ZNF444: variants seen among roughly 807,000 people sequenced by gnomAD.
ZNF444 encodes endothelial zinc finger protein 2.
Under a neutral mutation model 14.4 loss-of-function variants are expected in ZNF444, and 8 were observed. That is an observed-to-expected ratio of 0.56 (90% CI 0.33 to 1.00). The LOEUF is 1.00. ZNF444 is among the 50% of genes least tolerant of loss of function. ZNF444 has a pLI of 0.03. For synonymous variants in ZNF444, 258 were observed against 235.9 expected (o/e 1.09, Z -0.86); for missense variants, 510 against 504.8 (o/e 1.01, Z -0.10).
chr19:56,133,876 G>C (rs1423479749), intron 1 of ZNF444, among the ~76,000 whole-genome samples: 1 of 151,776 alleles, frequency 6.6e-6, no homozygotes, highest in Non-Finnish European at 1.5e-5. Flanking sequence ...GAGCATGAGG[G>C]GGAAGTCAGA....
rs2032217523 is a variant in ZNF444 at position 56,160,345 on chromosome 19, A to C, written c.*144A>C. 4 of 613,680 alleles carry C rather than the reference A, an allele frequency of 6.5e-6. No homozygotes were observed. The highest frequency in any genetic ancestry group is 1.0e-5 in the Non-Finnish European group (4 of 386,164). 38.0% of individuals were successfully genotyped at this position (613,680 alleles called of 1,614,324 possible). A position where few individuals can be genotyped will look rare whatever the true frequency, so the allele number is the denominator to read the frequency against. Reference sequence around the variant, plus strand: ...TGCGCCTCCCTTGTCTGAACTTCCCAACGCCTTCCTATTCCTTTCCAACTC... The same window carrying C: ...TGCGCCTCCCTTGTCTGAACTTCCCCACGCCTTCCTATTCCTTTCCAACTC... On this transcript the variant is annotated 3_prime_UTR_variant, in exon 5 of 5. Coordinates refer to ENST00000337080, the MANE Select transcript of ZNF444 (RefSeq NM_018337.4).
chr19:56,157,907 T>G (rs1339593067), intron 3 of ZNF444: 1 of 152,158 alleles, frequency 6.6e-6, no homozygotes, highest in Non-Finnish European at 1.5e-5. Flanking sequence ...ACTGAAACTT[T>G]TTAAATTTTT....
chr19:56,136,859 G>A (rs573453324), upstream of ZNF444, among the ~76,000 whole-genome samples: 12 of 152,072 alleles, frequency 7.9e-5, no homozygotes, highest in African/African-American at 1.2e-4. Context: ...TTGGCTCACC[G>A]CAACCTCTGC....
Position 56,159,636 on chromosome 19 carries a change from C to T in ZNF444, c.419C>T (p.Pro140Leu). ...TTTCTTTTCCCAGCAGGCACCGCCC[C>T]TGGGGCTGAGGGGCCGGCGCCTGGG... ...SGMIPLAGTAPGAEGPAPGDS... is the reference protein window; with the variant it reads ...SGMIPLAGTALGAEGPAPGDS... Residue 140 changes from proline (P) to leucine (L), a missense_variant, in exon 5 of 5, where the codon CCT becomes CTT. By Grantham distance (98) the Pro-to-Leu change is moderately conservative (BLOSUM62 -3). Coordinates refer to ENST00000337080, the MANE Select transcript of ZNF444 (RefSeq NM_018337.4). 4 of 1,447,334 alleles carry T rather than the reference C, an allele frequency of 2.8e-6. No homozygotes were observed. The highest frequency in any genetic ancestry group is 3.6e-6 in the Non-Finnish European group (4 of 1,105,012). The allele number at this position is 1,447,334 out of a possible 1,614,324, so 89.7% of individuals were successfully genotyped here.
intron 1 of ZNF444, among the ~76,000 whole-genome samples, chr19:56,135,785 G>A (rs1397791003): frequency 4.0e-5 from 6 of 151,680 alleles, no homozygotes; most frequent in African/African-American, 1.2e-4. Context: ...ACACCAATAA[G>A]GACCTGCTCC....
upstream of ZNF444, among the ~76,000 whole-genome samples, chr19:56,139,745 G>T (rs1287682697): frequency 6.6e-6 from 1 of 151,694 alleles, no homozygotes; most frequent in African/African-American, 2.4e-5. Flanking sequence ...AGAATCAAGG[G>T]CTGCTTTTCT....
At chr19:56,153,667 G>A (rs2031722337) in intron 3 of ZNF444, among the ~76,000 whole-genome samples, 1 of 152,224 alleles carries the variant, frequency 6.6e-6, no homozygotes, top group African/African-American at 2.4e-5. Context: ...GATAGTTTAA[G>A]ACGGATGGGG....
At chr19:56,137,875 A>G (rs936031915), upstream of ZNF444, among the ~76,000 whole-genome samples, 4 of 151,978 alleles carry the variant, frequency 2.6e-5, no homozygotes, top group African/African-American at 9.7e-5. Context: ...TAATCCCAGC[A>G]CTTTGGGAGG....
chr19:56,146,528 CCTGTAATTCCCAGCA>C (rs2123482973), intron 2 of ZNF444, 108 bp downstream of exon 2: 1 of 170,470 alleles, frequency 5.9e-6, no homozygotes, highest in South Asian at 1.9e-4. Flanking sequence ...GTGGCTCACG[CCTGTAATTCCCAGCA>C]CTTTGGGAGG....
At chr19:56,140,517 A>G (rs2030733250), upstream of ZNF444, among the ~76,000 whole-genome samples, 1 of 152,044 alleles carries the variant, frequency 6.6e-6, no homozygotes, top group Non-Finnish European at 1.5e-5. Flanking sequence ...GGCTAAAGAG[A>G]GGGCGGTGTC....
chr19:56,145,805 CTTAT>C lies in ZNF444; in HGVS notation c.-196-439_-196-436del, dbSNP rs2031145791. On this transcript the variant is annotated intron_variant, in intron 1 of 4. Coordinates refer to ENST00000337080, the MANE Select transcript of ZNF444 (RefSeq NM_018337.4). This position sits in a 1 kb window ranked among gnomAD's most constrained non-coding sequence, Gnocchi z 4.3. ...GCACCGTGGACTGAACTGCTATGAG[CTTAT>C]TTCTCAGTTCTGGGAGCGGGAAGCT... Among the ~76,000 whole-genome samples, 1 of 152,154 alleles carries C rather than the reference CTTAT, an allele frequency of 6.6e-6. No homozygotes were observed. Among genetic ancestry groups the C allele is most frequent in the Non-Finnish European group, 1.5e-5 (1 of 68,028 alleles).
chr19:56,140,668 C>G (rs905019889), upstream of ZNF444, among the ~76,000 whole-genome samples: 21 of 151,882 alleles, frequency 1.4e-4, no homozygotes, highest in Non-Finnish European at 2.9e-5. Flanking sequence ...AAGTTCTGCC[C>G]GGGTGGAGAG....
chr19:56,153,653 A>T (rs2031721387), intron 3 of ZNF444, among the ~76,000 whole-genome samples: 1 of 152,182 alleles, frequency 6.6e-6, no homozygotes, highest in Non-Finnish European at 1.5e-5. Context: ...CAATAGGGAA[A>T]GGGGATAGTT....
intron 3 of ZNF444, chr19:56,156,742 T>C (rs1219356243): frequency 6.6e-6 from 1 of 152,186 alleles, no homozygotes; most frequent in Non-Finnish European, 1.5e-5. Context: ...GAGCCCAATG[T>C]ATACGTATCA....
chr19:56,136,081 C>CAAAA (rs1199112916), intron 1 of ZNF444, among the ~76,000 whole-genome samples: 45,046 of 59,388 alleles, frequency 0.76, 17,681 homozygotes, highest in South Asian at 0.89. Flanking sequence ...GATTCCGTCT[C>CAAAA]AAAAAAAAAA....
At chr19:56,136,934 C>A (rs1337630679), upstream of ZNF444, among the ~76,000 whole-genome samples, 1 of 152,008 alleles carries the variant, frequency 6.6e-6, no homozygotes, top group East Asian at 2.0e-4. Context: ...GGATGCACCA[C>A]TACACCCAGC....
intron 3 of ZNF444, among the ~76,000 whole-genome samples, chr19:56,152,224 C>T (rs1202719139): frequency 2.0e-5 from 3 of 151,736 alleles, no homozygotes; most frequent in African/African-American, 7.3e-5. Context: ...CCCAGCTACT[C>T]AGGAAGCTGA....
At chr19:56,134,170 C>T (rs2030559859) in intron 1 of ZNF444, among the ~76,000 whole-genome samples, 1 of 152,162 alleles carries the variant, frequency 6.6e-6, no homozygotes, top group Admixed American at 6.5e-5. Context: ...ATGAACCAAA[C>T]CCCATCCCTG....
intron 1 of ZNF444, among the ~76,000 whole-genome samples, chr19:56,143,022 C>T (rs946123781): frequency 1.3e-5 from 2 of 152,208 alleles, no homozygotes; most frequent in Non-Finnish European, 2.9e-5. Context: ...ACACTAGCCA[C>T]TCAGTGGCTG....
Sources: gnomAD v4.1 joint callset for allele counts (sites outside exome capture counted in the v4.1 genomes callset) on GRCh38, gnomAD v4.1.1 for gene constraint, Gnocchi (gnomAD v3.1) non-coding constraint, MANE v1.5 for transcripts, NCBI Gene and HGNC (gene_info 2026-07-23, HGNC 2026-07-21) for gene names.